DAPL1: variants seen among roughly 807,000 people sequenced by gnomAD.
DAPL1 encodes death-associated protein-like 1.
In DAPL1, 17 loss-of-function variants were observed where a neutral mutation model predicts 12.9. That is an observed-to-expected ratio of 1.32 (90% CI 0.90 to 1.98). DAPL1 has a LOEUF of 1.98. Among genes scored for constraint, DAPL1 ranks in the 30% most tolerant of loss-of-function variants. DAPL1 has a pLI of 0.00. For missense variants in DAPL1, 157 were observed against 125.7 expected (o/e 1.25, Z -1.19); for synonymous variants, 51 against 42.0 (o/e 1.21, Z -0.82).
chr2:158,800,081 A>AT (rs36067638), intron 1 of DAPL1, among the ~76,000 whole-genome samples: 76,881 of 145,004 alleles, frequency 0.53, 21,282 homozygotes, highest in African/African-American at 0.65. Context: ...AAAAAAAAAA[A>AT]TTTGGCATTT....
intron 1 of DAPL1, among the ~76,000 whole-genome samples, chr2:158,797,797 A>T (rs552046491): frequency 6.6e-6 from 1 of 152,272 alleles, no homozygotes; most frequent in African/African-American, 2.4e-5. Context: ...GTCTGAAAAA[A>T]AAAAAAATCA....
intron 3 of DAPL1, among the ~76,000 whole-genome samples, chr2:158,810,108 G>A (rs2059222698): frequency 1.3e-5 from 2 of 152,166 alleles, no homozygotes; most frequent in African/African-American, 4.8e-5. Context: ...ATGAAAAAGC[G>A]TAAATTTTAC....
intron 3 of DAPL1, among the ~76,000 whole-genome samples, chr2:158,807,985 G>A (rs2059211121): frequency 6.6e-6 from 1 of 152,190 alleles, no homozygotes; most frequent in African/African-American, 2.4e-5. Context: ...TAGAAACTCA[G>A]AAAACTCTTA....
intron 1 of DAPL1, among the ~76,000 whole-genome samples, chr2:158,797,870 T>G (rs1401389055): frequency 1.3e-5 from 2 of 152,172 alleles, no homozygotes; most frequent in Non-Finnish European, 2.9e-5. Context: ...TGGTTTCACT[T>G]TAATGTATAT....
intron 1 of DAPL1, among the ~76,000 whole-genome samples, chr2:158,799,448 T>C (rs2059153456): frequency 6.6e-6 from 1 of 152,032 alleles, no homozygotes; most frequent in African/African-American, 2.4e-5. Context: ...GTATCTAGTA[T>C]AAGCAAAATG....
At chr2:158,797,333 C>A (rs1256520290) in intron 1 of DAPL1, among the ~76,000 whole-genome samples, 2 of 152,046 alleles carry the variant, frequency 1.3e-5, no homozygotes, top group Non-Finnish European at 1.5e-5. Context: ...GAATGTTAGC[C>A]CCCTTAAAAT....
chr2:158,799,678 G>A (rs2105148223), intron 1 of DAPL1, among the ~76,000 whole-genome samples: 1 of 152,228 alleles, frequency 6.6e-6, no homozygotes, highest in Non-Finnish European at 1.5e-5. Context: ...GTACATAGAT[G>A]ACTGAGTAAG....
chr2:158,804,410 T>C, intron 2 of DAPL1, 41 bp downstream of exon 2: 1 of 1,409,642 alleles, frequency 7.1e-7, no homozygotes, highest in East Asian at 2.3e-5. Context: ...TGAGGAGTTT[T>C]GAGTGACTCT....
chr2:158,804,360 A>G lies in DAPL1; in HGVS notation c.137A>G (p.Glu46Gly). The G allele has an allele frequency of 6.2e-7, 1 of 1,608,842 alleles. No individual in the cohort carries two copies. The highest frequency in any genetic ancestry group is 8.5e-7 in the Non-Finnish European group (1 of 1,176,938). Residue 46 changes from glutamate (E) to glycine (G), a missense_variant, in exon 2 of 4, where the codon GAG becomes GGG. Physicochemically the swap from Glu to Gly is moderately conservative, Grantham distance 98. Coordinates refer to ENST00000309950, the MANE Select transcript of DAPL1 (RefSeq NM_001017920.3). ...AGACATACCAAAAAAACAGGATTCG[A>G]GAAAACAAGGTAGGGACTCTTAATT... is the stretch of plus-strand genomic sequence containing the variant. Reference protein sequence around the residue: ...LERHTKKTGFEKTSAIANVAK... With the variant: ...LERHTKKTGFGKTSAIANVAK...
intron 1 of DAPL1, 84 bp downstream of exon 1, chr2:158,795,514 C>G (rs1036523035): frequency 1.5e-6 from 2 of 1,313,200 alleles, no homozygotes; most frequent in Non-Finnish European, 2.1e-6. Flanking sequence ...CCCCGACAGA[C>G]GGAAGCTTCT....
intron 1 of DAPL1, among the ~76,000 whole-genome samples, chr2:158,803,391 T>C (rs771240820): frequency 6.6e-6 from 1 of 152,272 alleles, no homozygotes; most frequent in Non-Finnish European, 1.5e-5. Flanking sequence ...TTTCACTTTA[T>C]TGGACCACAG....
At chr2:158,813,169 TA>T (rs2059240827) in intron 3 of DAPL1, among the ~76,000 whole-genome samples, 1 of 152,050 alleles carries the variant, frequency 6.6e-6, no homozygotes, top group African/African-American at 2.4e-5. Context: ...CTATGGGAGG[TA>T]CCCAAAGTAG....
intron 1 of DAPL1, among the ~76,000 whole-genome samples, chr2:158,796,278 C>T (rs1277832513): frequency 6.6e-6 from 1 of 152,170 alleles, no homozygotes; most frequent in African/African-American, 2.4e-5. Flanking sequence ...TATTTACTGT[C>T]TAATTCTCTG....
chr2:158,796,391 C>T (rs992053800), intron 1 of DAPL1, among the ~76,000 whole-genome samples: 1 of 152,140 alleles, frequency 6.6e-6, no homozygotes, highest in African/African-American at 2.4e-5. Context: ...TGGTGGCTTT[C>T]CGGCGGGTAG....
intron 3 of DAPL1, among the ~76,000 whole-genome samples, chr2:158,815,122 A>C (rs1484904473): frequency 6.6e-6 from 1 of 152,240 alleles, no homozygotes; most frequent in African/African-American, 2.4e-5. Context: ...GGAGAAGACT[A>C]ATCAGAACTT....
Position 158,813,656 on chromosome 2 carries a change from T to C in DAPL1, c.208-2049T>C, listed in dbSNP as rs190483109. On this transcript the variant is annotated intron_variant, in intron 3 of 3. Coordinates refer to ENST00000309950, the MANE Select transcript of DAPL1 (RefSeq NM_001017920.3). The stretch of plus-strand genomic sequence containing the variant: ...CTGCAACCTCCGCCTCCTGGGTTCA[T>C]GCCATTCTCCTGCCTCAGCCTCCAG... Among the ~76,000 whole-genome samples, 1,249 of 150,674 alleles carry C rather than the reference T, an allele frequency of 8.3e-3. 12 individuals carry two copies. The highest frequency in any genetic ancestry group is 0.026 in the African/African-American group (1,077 of 41,144).
At chr2:158,804,029 G>A (rs1181964471) in intron 1 of DAPL1, among the ~76,000 whole-genome samples, 1 of 152,118 alleles carries the variant, frequency 6.6e-6, no homozygotes, top group Non-Finnish European at 1.5e-5. Flanking sequence ...CCAAATCTAA[G>A]GTGTAACCTC....
At chr2:158,795,484 C>T (rs1005585335) in intron 1 of DAPL1, 54 bp downstream of exon 1, 30 of 1,511,044 alleles carry the variant, frequency 2.0e-5, no homozygotes, top group South Asian at 4.8e-5. Flanking sequence ...CCCTCTTCCA[C>T]CAATGCCTTC....
chr2:158,802,344 C>T (rs967993726), intron 1 of DAPL1, among the ~76,000 whole-genome samples: 2 of 152,192 alleles, frequency 1.3e-5, no homozygotes, highest in Non-Finnish European at 1.5e-5. Flanking sequence ...GCCAGAGTGA[C>T]ATCATTTGAA....
Sources: allele counts gnomAD v4.1 joint callset (sites outside exome capture counted in the v4.1 genomes callset), GRCh38; gene constraint gnomAD v4.1.1; transcripts MANE v1.5; gene names NCBI Gene and HGNC (gene_info 2026-07-23, HGNC 2026-07-21).